Variants in SNX29 observed in about 807,000 individuals in gnomAD.
SNX29 encodes sorting nexin-29.
Under a neutral mutation model 102.1 loss-of-function variants are expected in SNX29, and 78 were observed. The observed-to-expected ratio is 0.76, with a 90% confidence interval of 0.64 to 0.92. SNX29 has a LOEUF of 0.92. SNX29 is among the 40% of genes least tolerant of loss of function. SNX29 has a pLI of 0.00. For synonymous variants in SNX29, 580 were observed against 414.5 expected, an observed-to-expected ratio of 1.40 and a Z score of -4.85; for missense variants, 1,280 against 1,061.7, an observed-to-expected ratio of 1.21 and a Z score of -2.86.
intron 19 of SNX29, among the ~76,000 whole-genome samples, chr16:12,512,756 G>C (rs1392309147): frequency 6.6e-6 from 1 of 152,108 alleles, no homozygotes; most frequent in Admixed American, 6.5e-5. Flanking sequence ...TCTCCTCACA[G>C]GGCCTGGCAC....
rs1368508681 is a variant in SNX29 at position 12,572,698 on chromosome 16, A to G, written c.*4069A>G. 9.4e-7 allele frequency: 1 copy of G among 1,063,674 alleles called. No individual in the cohort carries two copies. The highest frequency in any genetic ancestry group is 1.6e-5 in the African/African-American group (1 of 60,966). 65.9% of individuals were successfully genotyped at this position (1,063,674 alleles called of 1,614,324 possible). On this transcript the variant is annotated 3_prime_UTR_variant, in exon 21 of 21. Coordinates refer to ENST00000566228, the MANE Select transcript of SNX29 (RefSeq NM_032167.5). The stretch of plus-strand genomic sequence containing the variant: ...CACGGGGGAAGCCCTGCACTCCAGC[A>G]GCATCTTCCAGCCTTGGCACAGAAC...
At chr16:12,527,985 T>C (rs2076832220) in intron 20 of SNX29, among the ~76,000 whole-genome samples, 1 of 101,968 alleles carries the variant, frequency 9.8e-6, no homozygotes, top group Admixed American at 1.0e-4. Context: ...CCACCATGCC[T>C]GGCTATTTTT....
intron 13 of SNX29, among the ~76,000 whole-genome samples, chr16:12,146,957 A>G (rs1185423522): frequency 4.6e-5 from 7 of 152,204 alleles, no homozygotes; most frequent in Admixed American, 4.6e-4. Context: ...ATAATGGGAG[A>G]GGAACAGAAG....
intron 20 of SNX29, among the ~76,000 whole-genome samples, chr16:12,549,616 C>A (rs907886860): frequency 6.6e-6 from 1 of 152,232 alleles, no homozygotes; most frequent in Non-Finnish European, 1.5e-5. Context: ...GAGTCCTTGC[C>A]CTCCACACGC....
chr16:12,500,067 C>G (rs1044213658), intron 19 of SNX29, among the ~76,000 whole-genome samples: 1 of 152,092 alleles, frequency 6.6e-6, no homozygotes, highest in East Asian at 1.9e-4. Flanking sequence ...TCATAGCACA[C>G]TGCAGCCTCA....
chr16:12,476,313 CAAA>C (rs1190760180), intron 18 of SNX29, among the ~76,000 whole-genome samples: 2 of 72,138 alleles, frequency 2.8e-5, no homozygotes, highest in Admixed American at 3.1e-4. Context: ...GACTTCGTCT[CAAA>C]AAAAAAAGTG....
chr16:11,980,436 C>T (rs2055389175), intron 1 of SNX29, among the ~76,000 whole-genome samples: 1 of 152,152 alleles, frequency 6.6e-6, no homozygotes, highest in Non-Finnish European at 1.5e-5. Flanking sequence ...GTTGTTTCTA[C>T]TTTTTAGCTG....
chr16:12,205,466 T>A (rs905243536), intron 14 of SNX29, among the ~76,000 whole-genome samples: 12 of 152,156 alleles, frequency 7.9e-5, no homozygotes, highest in Non-Finnish European at 1.5e-4. Context: ...TTCCCTAAGT[T>A]CCAACCTCAT....
At chr16:12,281,860 T>A (rs999413729) in intron 15 of SNX29, among the ~76,000 whole-genome samples, 14 of 152,048 alleles carry the variant, frequency 9.2e-5, no homozygotes, top group African/African-American at 3.1e-4. Context: ...CACTTCAGAC[T>A]AGGAGTTCGA....
intron 13 of SNX29, among the ~76,000 whole-genome samples, chr16:12,159,534 A>G (rs2055694652): frequency 6.6e-6 from 1 of 152,180 alleles, no homozygotes; most frequent in African/African-American, 2.4e-5. Flanking sequence ...GCATAGAGAC[A>G]TGGCTGTGTA....
intron 16 of SNX29, among the ~76,000 whole-genome samples, chr16:12,366,591 CA>C (rs1296886606): frequency 6.6e-6 from 1 of 152,166 alleles, no homozygotes; most frequent in Non-Finnish European, 1.5e-5. Flanking sequence ...GCCTCCCACC[CA>C]CTCACCAGCC....
chr16:12,304,997 A>G (rs2080294797), intron 15 of SNX29, among the ~76,000 whole-genome samples: 1 of 152,224 alleles, frequency 6.6e-6, no homozygotes, highest in African/African-American at 2.4e-5. Flanking sequence ...ATGCAACTGA[A>G]CATAATTTGA....
chr16:12,467,666 T>C (rs1037859790), intron 18 of SNX29, among the ~76,000 whole-genome samples: 33 of 152,196 alleles, frequency 2.2e-4, no homozygotes, highest in East Asian at 3.8e-4. Context: ...CATTCACTCA[T>C]TCATTCATTC....
intron 18 of SNX29, among the ~76,000 whole-genome samples, chr16:12,431,442 T>TG (rs1343258935): frequency 1.3e-5 from 2 of 151,938 alleles, no homozygotes; most frequent in East Asian, 1.9e-4. Flanking sequence ...TTCTTTTTTT[T>TG]TTTTTGTTTT....
At chr16:12,362,513 A>G (rs1164271687) in intron 16 of SNX29, among the ~76,000 whole-genome samples, 4 of 140,092 alleles carry the variant, frequency 2.9e-5, no homozygotes, top group Non-Finnish European at 6.1e-5. Flanking sequence ...CTTTTTATGA[A>G]TTTGACAACT....
intron 18 of SNX29, among the ~76,000 whole-genome samples, chr16:12,457,878 T>G (rs74527315): frequency 0.013 from 2,022 of 152,280 alleles, 46 homozygotes; most frequent in East Asian, 0.11. Context: ...GCAATTTGAT[T>G]GCGTGGGGAG....
At chr16:12,560,371 G>A (rs961071874) in intron 20 of SNX29, among the ~76,000 whole-genome samples, 9 of 152,258 alleles carry the variant, frequency 5.9e-5, no homozygotes, top group African/African-American at 1.4e-4. Context: ...GACAGGTTGT[G>A]CGCTCAGTAT....
chr16:12,037,212 C>G (rs1051926288), intron 4 of SNX29, among the ~76,000 whole-genome samples: 2 of 152,158 alleles, frequency 1.3e-5, no homozygotes, highest in African/African-American at 4.8e-5. Context: ...AGCAGAAACT[C>G]AGCCACAGAC....
At position 12,483,795 on chromosome 16, in the gene SNX29, A is replaced by C. The variant is rs145139657; in HGVS notation, c.2178+5936A>C. On this transcript the variant is annotated intron_variant, in intron 19 of 20. Coordinates refer to ENST00000566228, the MANE Select transcript of SNX29 (RefSeq NM_032167.5). ...CCAGGCTGCTGGAGGCTCCATCTGC[A>C]TGCATGTGGCAACAAGAACAAGGAG... 1.5e-3 allele frequency among the ~76,000 whole-genome samples: 226 copies of C among 152,260 alleles called. 7 individuals are homozygous for C. The East Asian group carries it at 0.032, about 22-fold the overall frequency.
Sources: gnomAD v4.1 joint callset for allele counts (sites outside exome capture counted in the v4.1 genomes callset) on GRCh38, gnomAD v4.1.1 for gene constraint, MANE v1.5 for transcripts, NCBI Gene and HGNC (gene_info 2026-07-23, HGNC 2026-07-21) for gene names.